SMARCAD1: variants seen among roughly 807,000 people sequenced by gnomAD.
The protein encoded by SMARCAD1 is SNF2 related chromatin remodeling ATPase with DExD box 1, also known as SWI/SNF-related matrix-associated actin-dependent regulator of chromatin subfamily A containing DEAD/H box 1.
SMARCAD1 carries 25 observed loss-of-function variants against 127.1 expected under a neutral mutation model. The ratio of observed to expected loss-of-function variants is 0.20; its 90% CI spans 0.14 to 0.27. The LOEUF is 0.27. Ranked by LOEUF, SMARCAD1 falls within the 10% of genes least tolerant of loss-of-function variation. The pLI is 1.00. For synonymous variants in SMARCAD1, 400 were observed against 396.9 expected (o/e 1.01, Z -0.09); for missense variants, 807 against 1,206.0 (o/e 0.67, Z 4.90).
chr4:94,279,383 G>A (rs1319553714), intron 19 of SMARCAD1, among the ~76,000 whole-genome samples: 6 of 151,976 alleles, frequency 3.9e-5, no homozygotes, highest in African/African-American at 7.3e-5. Context: ...CAAGCGATTC[G>A]CCCGCCTTGG....
At chr4:94,273,006 A>G (rs1167024249) in intron 11 of SMARCAD1, among the ~76,000 whole-genome samples, 3 of 151,652 alleles carry the variant, frequency 2.0e-5, no homozygotes, top group African/African-American at 7.3e-5. Flanking sequence ...GAGTTTTGCC[A>G]TGTTGCCCGG....
At chr4:94,263,167 C>T (rs1304140266) in intron 9 of SMARCAD1, among the ~76,000 whole-genome samples, 1 of 152,022 alleles carries the variant, frequency 6.6e-6, no homozygotes, top group Non-Finnish European at 1.5e-5. Flanking sequence ...ACATAAATGG[C>T]ACCTAATGTA....
At chr4:94,254,068 A>G (rs1749693642) in intron 9 of SMARCAD1, among the ~76,000 whole-genome samples, 1 of 152,180 alleles carries the variant, frequency 6.6e-6, no homozygotes, top group Admixed American at 6.5e-5. Context: ...GAGTCCCTGA[A>G]CAATGGTTGT....
intron 3 of SMARCAD1, among the ~76,000 whole-genome samples, chr4:94,230,529 G>A (rs10213096): frequency 0.028 from 4,268 of 152,026 alleles, 181 homozygotes; most frequent in African/African-American, 0.098. Flanking sequence ...TTGACATTTG[G>A]AGCCAGATAA....
At chr4:94,245,650 G>A (rs1748297221) in intron 6 of SMARCAD1, among the ~76,000 whole-genome samples, 1 of 152,188 alleles carries the variant, frequency 6.6e-6, no homozygotes, top group Admixed American at 6.5e-5. Flanking sequence ...CTCGTAAGCT[G>A]TAACTCTTCC....
rs1754327628 is a variant in SMARCAD1, at chr4:94,282,993, A to G, written c.2727-128A>G. 3 of 756,428 alleles carry G rather than the reference A, an allele frequency of 4.0e-6. No homozygotes were observed. The East Asian group carries it at 8.1e-5, about 21-fold the overall frequency. 46.9% of individuals were successfully genotyped at this position (756,428 alleles called of 1,614,324 possible). A position where few individuals can be genotyped will look rare whatever the true frequency, so the allele number is the denominator to read the frequency against. On this transcript the variant is annotated intron_variant, in intron 21 of 23. Transcript: ENST00000354268. ...CTTCAGTGATATAGCCAGAGGAGAAATAACTGCAATACTAAGAGATGTACA... is the reference window on the plus strand; with the variant it reads ...CTTCAGTGATATAGCCAGAGGAGAAGTAACTGCAATACTAAGAGATGTACA...
chr4:94,248,481 T>C (rs1203435945), intron 6 of SMARCAD1: 2 of 456,102 alleles, frequency 4.4e-6, no homozygotes, highest in Non-Finnish European at 8.8e-6. Context: ...GGAATTTCAG[T>C]GTGCCTGGGC....
Position 94,208,581 on chromosome 4 carries a change from A to G in SMARCAD1, c.187A>G (p.Thr63Ala), listed in dbSNP as rs1198281033. Reference protein sequence around the residue: ...NTPDSDITEKTEDSSVPETPD... With the variant: ...NTPDSDITEKAEDSSVPETPD... ...TCCTGATTCAGATATAACTGAAAAA[A>G]CAGGTGAGTTACAATGTTAAAATTG... Residue 63 changes from threonine to alanine, a missense_variant, in exon 2 of 24, where the codon ACA becomes GCA. Thr to Ala is a moderately conservative substitution (Grantham distance 58). Transcript: ENST00000354268. 6.2e-7 allele frequency: 1 copy of G among 1,613,586 alleles called. No homozygotes were observed. Among genetic ancestry groups the G allele is most frequent in the African/African-American group, 1.3e-5 (1 of 74,888 alleles).
At chr4:94,213,248 A>G (rs1257329318) in intron 2 of SMARCAD1, 5 of 464,762 alleles carry the variant, frequency 1.1e-5, no homozygotes, top group African/African-American at 4.1e-5. Context: ...TAATTCACAA[A>G]TGATTGAATT....
At chr4:94,214,631 A>G (rs530407323) in intron 2 of SMARCAD1, among the ~76,000 whole-genome samples, 32 of 152,228 alleles carry the variant, frequency 2.1e-4, no homozygotes, top group African/African-American at 6.7e-4. Flanking sequence ...GAGGTATCTG[A>G]AGAGAGGCAT....
intron 22 of SMARCAD1, among the ~76,000 whole-genome samples, chr4:94,284,055 C>T (rs1754489796): frequency 6.6e-6 from 1 of 151,896 alleles, no homozygotes; most frequent in African/African-American, 2.4e-5. Flanking sequence ...GGCACGGTGG[C>T]TCACACCTGT....
chr4:94,238,065 C>CA (rs1746979655), intron 5 of SMARCAD1, among the ~76,000 whole-genome samples: 2 of 152,096 alleles, frequency 1.3e-5, no homozygotes, highest in South Asian at 2.1e-4. Flanking sequence ...TACAAAAATA[C>CA]AAAACGATGT....
intron 14 of SMARCAD1, 32 bp downstream of exon 14, chr4:94,274,997 A>AT: frequency 6.9e-7 from 1 of 1,440,308 alleles, no homozygotes; most frequent in Non-Finnish European, 9.8e-7. Context: ...GAGGATGGAT[A>AT]TTTATGCAGC....
chr4:94,247,532 A>T (rs1748627233), intron 6 of SMARCAD1, among the ~76,000 whole-genome samples: 1 of 152,212 alleles, frequency 6.6e-6, no homozygotes, highest in Admixed American at 6.5e-5. Context: ...ATTGAGGTGA[A>T]ATTCACATAG....
At chr4:94,268,314 A>T (rs1752039127) in intron 10 of SMARCAD1, among the ~76,000 whole-genome samples, 1 of 152,134 alleles carries the variant, frequency 6.6e-6, no homozygotes, top group African/African-American at 2.4e-5. Context: ...TTTGACAGTT[A>T]AATAGACTCT....
intron 9 of SMARCAD1, among the ~76,000 whole-genome samples, chr4:94,256,836 T>TAA (rs34976740): frequency 6.6e-5 from 10 of 152,084 alleles, no homozygotes; most frequent in East Asian, 5.8e-4. Context: ...AAGTTTGTAT[T>TAA]AAAAAAATCT....
intron 9 of SMARCAD1, among the ~76,000 whole-genome samples, chr4:94,255,743 AT>A (rs917601460): frequency 1.5e-4 from 22 of 151,402 alleles, no homozygotes; most frequent in Admixed American, 2.6e-4. Context: ...GGAAAATTTG[AT>A]TTTTTTTAAA....
At chr4:94,282,094 T>TTTTTTTTTG (rs1174512094) in intron 21 of SMARCAD1, among the ~76,000 whole-genome samples, 10 of 10,274 alleles carry the variant, frequency 9.7e-4, no homozygotes, top group Admixed American at 4.2e-3. Flanking sequence ...GCAAATACGT[T>TTTTTTTTTG]TTTTTGTTTT....
At chr4:94,221,820 T>C (rs1197634028) in intron 2 of SMARCAD1, among the ~76,000 whole-genome samples, 2 of 149,590 alleles carry the variant, frequency 1.3e-5, no homozygotes. Context: ...ATTAGGTCTA[T>C]ATGTACATGG....
Sources: allele counts gnomAD v4.1 joint callset (sites outside exome capture counted in the v4.1 genomes callset), GRCh38; gene constraint gnomAD v4.1.1; transcripts MANE v1.5; gene names NCBI Gene and HGNC (gene_info 2026-07-23, HGNC 2026-07-21).